KIAA1143: variants seen among roughly 807,000 people sequenced by gnomAD.
KIAA1143 encodes the protein uncharacterized protein KIAA1143.
Under a neutral mutation model 17.0 loss-of-function variants are expected in KIAA1143, and 8 were observed. The ratio of observed to expected loss-of-function variants is 0.47; its 90% confidence interval spans 0.28 to 0.85. The LOEUF (loss-of-function observed/expected upper bound fraction) is 0.85. Among genes scored for constraint, KIAA1143 ranks in the 40% least tolerant of loss-of-function variants. KIAA1143 has a pLI of 0.12. For missense variants in KIAA1143, 162 were observed against 183.3 expected, an observed-to-expected ratio of 0.88 and a Z score of 0.67; for synonymous variants, 64 against 67.8, an observed-to-expected ratio of 0.94 and a Z score of 0.27.
intron 1 of KIAA1143, among the ~76,000 whole-genome samples, chr3:44,755,538 G>A (rs1028868700): frequency 6.6e-6 from 1 of 152,092 alleles, no homozygotes; most frequent in African/African-American, 2.4e-5. Flanking sequence ...CTCTGGCATG[G>A]CAAGGTTTGA....
At chr3:44,759,894 C>CAAAAAAAA (rs527806223) in intron 1 of KIAA1143, among the ~76,000 whole-genome samples, 16 of 51,098 alleles carry the variant, frequency 3.1e-4, no homozygotes, top group East Asian at 8.0e-4. Flanking sequence ...GACCCTATCT[C>CAAAAAAAA]AAAAAAAAAA....
chr3:44,757,751 T>C lies in KIAA1143; in HGVS notation c.109-3383A>G, dbSNP rs552072999. Reference sequence around the variant, plus strand: ...GAAGGGTTTCGGAGAGATGGTAACTTGTGAAAATAGGGCAGGAAGTGTTAA... The same window carrying C: ...GAAGGGTTTCGGAGAGATGGTAACTCGTGAAAATAGGGCAGGAAGTGTTAA... On this transcript the variant is annotated intron_variant, in intron 1 of 2. Coordinates refer to ENST00000296121, the MANE Select transcript of KIAA1143 (RefSeq NM_020696.4). 9.2e-5 allele frequency among the ~76,000 whole-genome samples: 14 copies of C among 152,296 alleles called. No individual in the cohort carries two copies. The South Asian group carries it at 2.9e-3, about 32-fold the overall frequency.
At chr3:44,759,337 T>C (rs936100749) in intron 1 of KIAA1143, among the ~76,000 whole-genome samples, 2 of 152,072 alleles carry the variant, frequency 1.3e-5, no homozygotes, top group Non-Finnish European at 2.9e-5. Flanking sequence ...ATTGAAAGAA[T>C]CTTTTTTTTT....
In KIAA1143 at chr3:44,751,390, T is replaced by C. The variant is rs1468419018; in HGVS notation, c.*1951A>G. On this transcript the variant is annotated 3_prime_UTR_variant, in exon 3 of 3. Coordinates refer to ENST00000296121, the MANE Select transcript of KIAA1143 (RefSeq NM_020696.4). ...TACCAACGCTTGTCCAAGGATTTTA[T>C]GGAAAGCCTGGATAACATTGCTCAA... The C allele has an allele frequency of 1.3e-5, 2 of 152,216 alleles. No individual in the cohort carries two copies. The highest frequency in any genetic ancestry group is 4.8e-5 in the African/African-American group (2 of 41,436). 9.4% of individuals were successfully genotyped at this position (152,216 alleles called of 1,614,324 possible).
intron 2 of KIAA1143, among the ~76,000 whole-genome samples, chr3:44,753,915 A>G (rs1358327038): frequency 6.6e-6 from 1 of 152,232 alleles, no homozygotes; most frequent in African/African-American, 2.4e-5. Context: ...GTAATGAAAT[A>G]CACCTTTTTT....
At chr3:44,756,240 C>A (rs955965095) in intron 1 of KIAA1143, among the ~76,000 whole-genome samples, 7 of 152,154 alleles carry the variant, frequency 4.6e-5, no homozygotes, top group Non-Finnish European at 1.0e-4. Context: ...GATGACTGTT[C>A]AGAGACATTT....
Position 44,761,390 on chromosome 3 carries a change from G to C in KIAA1143, c.108+105C>G, listed in dbSNP as rs550331279. ...TTCCACCGGAATTGGGTTCGAGCGC[G>C]GGTGAAAAGAGGGACCCGACAGCAC... On this transcript the variant is annotated intron_variant, in intron 1 of 2. Transcript: ENST00000296121. The C allele has an allele frequency of 4.2e-4, 344 of 810,334 alleles. 1 individual carries two copies. The highest frequency in any genetic ancestry group is 1.2e-4 in the South Asian group (7 of 57,638). 50.2% of individuals were successfully genotyped at this position (810,334 alleles called of 1,614,324 possible). A position where few individuals can be genotyped will look rare whatever the true frequency, so the allele number is the denominator to read the frequency against.
Position 44,754,284 on chromosome 3 carries a change from C to T in KIAA1143, c.193G>A (p.Gly65Arg), listed in dbSNP as rs1216807702. The change falls in exon 2 of 3, where the codon GGA (glycine) becomes AGA (arginine). Residue 65 changes from glycine to arginine, a missense_variant. By Grantham distance (125) the Gly-to-Arg change is moderately radical. Coordinates refer to ENST00000296121, the MANE Select transcript of KIAA1143 (RefSeq NM_020696.4). ...ATGACTTCTTCAACTGACAGGTCTCCCTTTTTTAAAACCACCACTTGAGGC... is the reference window on the plus strand; with the variant it reads ...ATGACTTCTTCAACTGACAGGTCTCTCTTTTTTAAAACCACCACTTGAGGC... ...EQPQVVVLKK[G>R]DLSVEEVMKI... is the part of the protein sequence containing the mutation. The T allele has an allele frequency of 3.1e-6, 5 of 1,613,966 alleles. No individual in the cohort carries two copies. The highest frequency in any genetic ancestry group is 3.3e-5 in the Admixed American group (2 of 60,006).
intron 1 of KIAA1143, among the ~76,000 whole-genome samples, chr3:44,759,168 T>C (rs1331548787): frequency 9.9e-5 from 15 of 152,166 alleles, no homozygotes; most frequent in Admixed American, 9.8e-4. Context: ...CTGGCTGTTA[T>C]TTCTTAAATA....
In KIAA1143 at chr3:44,751,883, T is replaced by C. The variant is rs964187666; in HGVS notation, c.*1458A>G. 3.9e-5 allele frequency: 6 copies of C among 152,038 alleles called. No individual in the cohort carries two copies. The highest frequency in any genetic ancestry group is 7.4e-5 in the Non-Finnish European group (5 of 68,020). 9.4% of individuals were successfully genotyped at this position (152,038 alleles called of 1,614,324 possible). Reference sequence around the variant, plus strand: ...AGGGTGAGAGTTACGTGATCTCCAATAGGTAGGGACTGTGTCCCAAGTTAG... The same window carrying C: ...AGGGTGAGAGTTACGTGATCTCCAACAGGTAGGGACTGTGTCCCAAGTTAG... On this transcript the variant is annotated 3_prime_UTR_variant, in exon 3 of 3. Transcript: ENST00000296121.
Position 44,751,713 on chromosome 3 carries a change from A to G in KIAA1143, c.*1628T>C, listed in dbSNP as rs927063258. 6.6e-6 allele frequency: 1 copy of G among 152,292 alleles called. No homozygotes were observed. Among genetic ancestry groups the G allele is most frequent in the African/African-American group, 2.4e-5 (1 of 41,558 alleles). The allele number at this position is 152,292 out of a possible 1,614,324, so 9.4% of individuals were successfully genotyped here. On this transcript the variant is annotated 3_prime_UTR_variant, in exon 3 of 3. Coordinates refer to ENST00000296121, the MANE Select transcript of KIAA1143 (RefSeq NM_020696.4). ...TTATATTTGCCTTGGTTTTTGGACCATATCTGTTAAATCTTTTAACCAAAT... is the reference window on the plus strand; with the variant it reads ...TTATATTTGCCTTGGTTTTTGGACCGTATCTGTTAAATCTTTTAACCAAAT...
Position 44,754,377 on chromosome 3 carries a change from A to G in KIAA1143, c.109-9T>C. ...GGCTGAGGCTGAATTCTCTAGGGAA[A>G]AACACAAATACAATGTGTAGATCAC... On this transcript the variant is annotated splice_polypyrimidine_tract_variant and intron_variant, in intron 1 of 2. Transcript: ENST00000296121. The G allele has an allele frequency of 6.2e-7, 1 of 1,613,344 alleles. No individual in the cohort carries two copies. The highest frequency in any genetic ancestry group is 8.5e-7 in the Non-Finnish European group (1 of 1,179,450).
At chr3:44,757,119 A>G (rs1274061018) in intron 1 of KIAA1143, among the ~76,000 whole-genome samples, 1 of 152,224 alleles carries the variant, frequency 6.6e-6, no homozygotes, top group Non-Finnish European at 1.5e-5. Context: ...TAGCATTCCA[A>G]GCTGTAACCT....
intron 1 of KIAA1143, among the ~76,000 whole-genome samples, chr3:44,759,268 T>C (rs374949534): frequency 1.3e-5 from 2 of 151,484 alleles, no homozygotes; most frequent in East Asian, 1.9e-4. Flanking sequence ...GTTAATCTCC[T>C]TGTAGATCTC....
chr3:44,761,457 G>T, intron 1 of KIAA1143, 38 bp downstream of exon 1: 2 of 1,520,178 alleles, frequency 1.3e-6, no homozygotes, highest in East Asian at 2.3e-5. Flanking sequence ...TGGCGGGCTG[G>T]CTGCGCTTCC....
intron 1 of KIAA1143, among the ~76,000 whole-genome samples, chr3:44,757,429 A>T (rs1249301987): frequency 6.6e-6 from 1 of 152,158 alleles, no homozygotes; most frequent in Non-Finnish European, 1.5e-5. Flanking sequence ...CATTCTCTTC[A>T]TCTCTACCTG....
In KIAA1143 at chr3:44,753,298, C is replaced by T. The variant is rs1559510271; in HGVS notation, c.*43G>A. 6.9e-7 allele frequency: 1 copy of T among 1,448,910 alleles called. No homozygotes were observed. Among genetic ancestry groups the T allele is most frequent in the Non-Finnish European group, 9.7e-7 (1 of 1,035,014 alleles). 89.8% of individuals were successfully genotyped at this position (1,448,910 alleles called of 1,614,324 possible). A position where few individuals can be genotyped will look rare whatever the true frequency, so the allele number is the denominator to read the frequency against. ...GGAAAAAATGTGATTTTAATGAACA[C>T]TCCATATACTTTCAAAGTAGACTAA... On this transcript the variant is annotated 3_prime_UTR_variant, in exon 3 of 3. Coordinates refer to ENST00000296121, the MANE Select transcript of KIAA1143 (RefSeq NM_020696.4).
rs572287731 is a variant in KIAA1143, at chr3:44,753,359, G to A, written c.447C>T (p.Asn149=). ...IKNSSLLSFD[N]EDENE ...TTTACACTTACTCATTTTCATCTTC[G>A]TTGTCAAAAGAAAGGAGGCTACTAT... Residue 149 remains asparagine, a synonymous_variant, in exon 3 of 3, where the codon AAC becomes AAT. Transcript: ENST00000296121. The A allele has an allele frequency of 2.1e-5, 33 of 1,598,950 alleles. No individual in the cohort carries two copies. In the South Asian group the frequency reaches 2.1e-4, roughly 10 times the overall value.
At chr3:44,759,393 C>A (rs1388116862) in intron 1 of KIAA1143, among the ~76,000 whole-genome samples, 1 of 151,946 alleles carries the variant, frequency 6.6e-6, no homozygotes, top group Non-Finnish European at 1.5e-5. Flanking sequence ...TTCAGTAAAC[C>A]ATATTATAAA....
Sources: allele counts gnomAD v4.1 joint callset (sites outside exome capture counted in the v4.1 genomes callset), GRCh38; gene constraint gnomAD v4.1.1; transcripts MANE v1.5; gene names NCBI Gene and HGNC (gene_info 2026-07-23, HGNC 2026-07-21).